The following DLG2 variants were observed in gnomAD, a reference collection of about 807,000 sequenced individuals.
The protein encoded by DLG2 is disks large homolog 2.
A neutral mutation model predicts 132.5 loss-of-function variants in DLG2; 45 were observed. That is an observed-to-expected ratio of 0.34 (90% CI 0.27 to 0.44). DLG2 has a LOEUF of 0.44. Ranked by LOEUF, DLG2 falls within the 20% of genes least tolerant of loss-of-function variation. DLG2 has a pLI of 1.00. For missense variants in DLG2, 1,045 were observed against 1,196.9 expected, an observed-to-expected ratio of 0.87 and a Z score of 1.87; for synonymous variants, 424 against 419.6, an observed-to-expected ratio of 1.01 and a Z score of -0.13.
In DLG2 at chr11:84,856,796, T is replaced by G. The variant is rs547763245; in HGVS notation, c.357+254865A>C. On this transcript the variant is annotated intron_variant, in intron 6 of 27. Transcript: ENST00000376104. ...TCTGCCTCTCCTAGTGTCTGCCTTC[T>G]CTCAGCCTCTTTCTGCCTCTTCTCT... Among the ~76,000 whole-genome samples the G allele has an allele frequency of 1.6e-4, 25 of 152,182 alleles. No homozygotes were observed. In the South Asian group the frequency reaches 5.0e-3, roughly 30 times the overall value.
At chr11:84,200,482 G>A (rs896498156) in intron 8 of DLG2, among the ~76,000 whole-genome samples, 2 of 152,040 alleles carry the variant, frequency 1.3e-5, no homozygotes, top group Admixed American at 6.5e-5. Flanking sequence ...CAAGACTTTT[G>A]ATAATGCTTC....
chr11:84,624,888 C>A (rs1042161927), intron 6 of DLG2, among the ~76,000 whole-genome samples: 1 of 55,692 alleles, frequency 1.8e-5, no homozygotes, highest in Non-Finnish European at 3.0e-5. Context: ...GACGGAGTCT[C>A]GCTCTGTCGC....
At chr11:84,366,635 A>G (rs1254489126) in intron 7 of DLG2, among the ~76,000 whole-genome samples, 1 of 152,144 alleles carries the variant, frequency 6.6e-6, no homozygotes, top group African/African-American at 2.4e-5. Context: ...AGCAAATGGA[A>G]AACAAAAAAA....
chr11:84,247,385 T>G lies in DLG2; in HGVS notation c.573+3853A>C, dbSNP rs894102497. 1.1e-4 allele frequency among the ~76,000 whole-genome samples: 17 copies of G among 152,300 alleles called. No homozygotes were observed. In the East Asian group the frequency reaches 2.5e-3, roughly 23 times the overall value. On this transcript the variant is annotated intron_variant, in intron 8 of 27. Coordinates refer to ENST00000376104, the MANE Select transcript of DLG2 (RefSeq NM_001142699.3). ...CTCCCTAAGAACAAAGTACTTTCAG[T>G]ACCTGGCATGAAACACTATTCAACA...
At chr11:85,251,003 C>T (rs2076370700) in intron 4 of DLG2, among the ~76,000 whole-genome samples, 1 of 152,154 alleles carries the variant, frequency 6.6e-6, no homozygotes, top group African/African-American at 2.4e-5. Flanking sequence ...GTTGGGAATA[C>T]ATTTAGTTTA....
chr11:84,921,237 A>T (rs1566399539), intron 6 of DLG2, among the ~76,000 whole-genome samples: 1 of 152,172 alleles, frequency 6.6e-6, no homozygotes, highest in African/African-American at 2.4e-5. Flanking sequence ...ACCCTAAAAA[A>T]TTATGAATTA....
At chr11:83,867,333 A>C (rs2062587708) in intron 16 of DLG2, among the ~76,000 whole-genome samples, 1 of 152,190 alleles carries the variant, frequency 6.6e-6, no homozygotes, top group Non-Finnish European at 1.5e-5. Flanking sequence ...GAGCCACATA[A>C]AACACTTACA....
intron 5 of DLG2, among the ~76,000 whole-genome samples, chr11:85,142,265 C>A (rs889401625): frequency 9.2e-5 from 14 of 151,684 alleles, no homozygotes; most frequent in African/African-American, 3.4e-4. Context: ...TTGAAGAGAT[C>A]ATTTACTTCT....
chr11:84,859,414 ATG>A (rs564058018), intron 6 of DLG2, among the ~76,000 whole-genome samples: 2 of 144,606 alleles, frequency 1.4e-5, no homozygotes, highest in African/African-American at 5.2e-5. Flanking sequence ...ATACATATAT[ATG>A]TATACATATA....
intron 3 of DLG2, among the ~76,000 whole-genome samples, chr11:85,530,632 C>T (rs2075141979): frequency 6.6e-6 from 1 of 152,108 alleles, no homozygotes; most frequent in Admixed American, 6.6e-5. Flanking sequence ...GGGTGTTTTT[C>T]TAATGCTTTT....
intron 18 of DLG2, among the ~76,000 whole-genome samples, chr11:83,760,752 G>C (rs2093870824): frequency 1.3e-5 from 2 of 152,104 alleles, no homozygotes; most frequent in South Asian, 4.2e-4. Flanking sequence ...CACAAATCCA[G>C]TCCCTTCTTT....
intron 6 of DLG2, among the ~76,000 whole-genome samples, chr11:84,801,734 T>C (rs993998614): frequency 2.0e-5 from 3 of 152,242 alleles, no homozygotes; most frequent in East Asian, 1.9e-4. Flanking sequence ...GACATAACCA[T>C]AAAATACTTA....
At chr11:84,024,814 CT>C (rs764318252) in intron 11 of DLG2, among the ~76,000 whole-genome samples, 481 of 135,496 alleles carry the variant, frequency 3.5e-3, no homozygotes, top group Non-Finnish European at 4.4e-3. Flanking sequence ...TATATTTTTT[CT>C]TTTTTTTTTT....
intron 6 of DLG2, among the ~76,000 whole-genome samples, chr11:85,037,892 G>A (rs561941748): frequency 6.6e-6 from 1 of 152,090 alleles, no homozygotes; most frequent in South Asian, 2.1e-4. Context: ...ACAATAATAT[G>A]GGTCATGTCT....
At chr11:85,273,009 T>G (rs1404743933) in intron 4 of DLG2, among the ~76,000 whole-genome samples, 1 of 152,196 alleles carries the variant, frequency 6.6e-6, no homozygotes, top group African/African-American at 2.4e-5. Context: ...GGGGAAAGGA[T>G]TCCCTATTTA....
intron 6 of DLG2, among the ~76,000 whole-genome samples, chr11:84,965,808 G>A (rs911866415): frequency 1.3e-5 from 2 of 151,900 alleles, no homozygotes; most frequent in East Asian, 1.9e-4. Flanking sequence ...CGGGGAGATC[G>A]GCGCCTAAAA....
At chr11:84,364,065 A>G (rs558134590) in intron 7 of DLG2, among the ~76,000 whole-genome samples, 1 of 152,072 alleles carries the variant, frequency 6.6e-6, no homozygotes, top group Non-Finnish European at 1.5e-5. Context: ...TGGTAGCTTG[A>G]TGGGGATGGC....
At chr11:85,127,140 C>T (rs1388303024) in intron 5 of DLG2, among the ~76,000 whole-genome samples, 2 of 152,094 alleles carry the variant, frequency 1.3e-5, no homozygotes, top group Non-Finnish European at 2.9e-5. Flanking sequence ...TGATCTATCT[C>T]TGCATCCTCT....
intron 6 of DLG2, among the ~76,000 whole-genome samples, chr11:85,098,006 C>A (rs2070184194): frequency 6.6e-6 from 1 of 152,176 alleles, no homozygotes; most frequent in African/African-American, 2.4e-5. Flanking sequence ...AAAATAAGCT[C>A]TCAGAATAAG....
Sources: gnomAD v4.1 joint callset for allele counts (sites outside exome capture counted in the v4.1 genomes callset) on GRCh38, gnomAD v4.1.1 for gene constraint, MANE v1.5 for transcripts, NCBI Gene and HGNC (gene_info 2026-07-23, HGNC 2026-07-21) for gene names.